MPPED2: variants seen among roughly 807,000 people sequenced by gnomAD.
MPPED2 encodes the protein metallophosphoesterase domain containing 2, also known as metallophosphoesterase MPPED2.
In MPPED2, 5 loss-of-function variants were observed where a neutral mutation model predicts 33.0. That is an observed-to-expected ratio of 0.15 (90% CI 0.08 to 0.32). The LOEUF is 0.32. Ranked by LOEUF, MPPED2 falls within the 10% of genes least tolerant of loss-of-function variation. The pLI is 1.00. For synonymous variants in MPPED2, 136 were observed against 141.9 expected, an observed-to-expected ratio of 0.96 and a Z score of 0.29; for missense variants, 275 against 372.1, an observed-to-expected ratio of 0.74 and a Z score of 2.15.
intron 4 of MPPED2, among the ~76,000 whole-genome samples, chr11:30,458,884 TAA>T (rs1203611214): frequency 6.7e-6 from 1 of 149,816 alleles, no homozygotes; most frequent in Admixed American, 6.6e-5. Context: ...CTAGACTACT[TAA>T]ATTTTTTTAG....
rs778782330 is a variant in MPPED2 at position 30,580,403 on chromosome 11, C to A, written c.-30G>T. 8.7e-6 allele frequency: 14 copies of A among 1,612,210 alleles called. No homozygotes were observed. The highest frequency in any genetic ancestry group is 1.0e-5 in the Non-Finnish European group (12 of 1,179,150). ...CCTCCCTATAGGCATGAGCAATTCA[C>A]AACTTTACAGAGCAAAAGATGGAAG... On this transcript the variant is annotated 5_prime_UTR_variant, in exon 2 of 7. Coordinates refer to ENST00000358117, the MANE Select transcript of MPPED2 (RefSeq NM_001584.3).
chr11:30,464,201 G>A lies in MPPED2; in HGVS notation c.536+31095C>T, dbSNP rs190787208. 4.7e-5 allele frequency among the ~76,000 whole-genome samples: 7 copies of A among 150,162 alleles called. No homozygotes were observed. The East Asian group carries it at 1.4e-3, about 31-fold the overall frequency. On this transcript the variant is annotated intron_variant, in intron 4 of 6. Transcript: ENST00000358117. ...TATCAGACTTGGATCTCATGGACTAGTAAAATTTCAAGGAATGTTTAGGTA... is the reference window on the plus strand; with the variant it reads ...TATCAGACTTGGATCTCATGGACTAATAAAATTTCAAGGAATGTTTAGGTA...
chr11:30,399,889 C>T (rs1029237525), intron 6 of MPPED2, among the ~76,000 whole-genome samples: 1 of 152,054 alleles, frequency 6.6e-6, no homozygotes, highest in Non-Finnish European at 1.5e-5. Flanking sequence ...TAAAAAAATA[C>T]CAGTCTGACA....
At chr11:30,549,121 T>C (rs926405377) in intron 2 of MPPED2, among the ~76,000 whole-genome samples, 2 of 152,198 alleles carry the variant, frequency 1.3e-5, no homozygotes, top group Non-Finnish European at 2.9e-5. Flanking sequence ...CAACATACTT[T>C]AACAGTTAGC....
At position 30,392,422 on chromosome 11, in the gene MPPED2, T is replaced by C. The variant is rs887626542; in HGVS notation, c.767-3466A>G. On this transcript the variant is annotated intron_variant, in intron 6 of 6. Transcript: ENST00000448418. The stretch of plus-strand genomic sequence containing the variant: ...AACTCTGTGTGACCTTCGCAGACAA[T>C]AATTACTTTAACATAGGGTTAGGCA... Among the ~76,000 whole-genome samples, 3 of 152,192 alleles carry C rather than the reference T, an allele frequency of 2.0e-5. No individual in the cohort carries two copies. The East Asian group carries it at 5.8e-4, about 29-fold the overall frequency.
intron 3 of MPPED2, among the ~76,000 whole-genome samples, chr11:30,499,437 A>G (rs894065016): frequency 1.3e-5 from 2 of 152,180 alleles, no homozygotes; most frequent in Non-Finnish European, 2.9e-5. Flanking sequence ...AGTGCTCAAA[A>G]TGTTTCAGAT....
chr11:30,544,692 T>C (rs1043783422), intron 2 of MPPED2, among the ~76,000 whole-genome samples: 4 of 152,164 alleles, frequency 2.6e-5, no homozygotes, highest in Non-Finnish European at 5.9e-5. Context: ...ATTTATGAAA[T>C]AATGCACAAA....
chr11:30,509,515 C>G, intron 3 of MPPED2, among the ~76,000 whole-genome samples: 1 of 152,132 alleles, frequency 6.6e-6, no homozygotes, highest in East Asian at 1.9e-4. Flanking sequence ...CCCTAGGCCT[C>G]TCAGGAAAAT....
intron 1 of MPPED2, chr11:30,583,998 C>CCTGT (rs1462942725): frequency 5.3e-5 from 8 of 152,306 alleles, no homozygotes; most frequent in African/African-American, 1.4e-4. Context: ...GTTACTCATC[C>CCTGT]CTGTATCTGG....
intron 3 of MPPED2, among the ~76,000 whole-genome samples, chr11:30,506,451 C>A (rs976845328): frequency 6.6e-6 from 1 of 152,148 alleles, no homozygotes; most frequent in African/African-American, 2.4e-5. Flanking sequence ...TAATAAATAT[C>A]TTTAATAAAC....
At chr11:30,580,176 G>A (rs1957100167) in intron 2 of MPPED2, 70 bp downstream of exon 2, 1 of 1,485,524 alleles carries the variant, frequency 6.7e-7, no homozygotes, top group Non-Finnish European at 9.2e-7. Flanking sequence ...AGTTAATAGT[G>A]AATGCTTTTC....
chr11:30,522,478 T>C (rs1465112949), intron 3 of MPPED2, among the ~76,000 whole-genome samples: 1 of 152,120 alleles, frequency 6.6e-6, no homozygotes, highest in East Asian at 1.9e-4. Context: ...TGGGGAAATC[T>C]GTGTGACGGG....
intron 4 of MPPED2, among the ~76,000 whole-genome samples, chr11:30,444,343 C>T (rs1200630707): frequency 6.6e-6 from 1 of 152,146 alleles, no homozygotes; most frequent in East Asian, 1.9e-4. Context: ...TCACAAAATG[C>T]TTCAAACACA....
At chr11:30,565,722 C>T (rs1185308943) in intron 2 of MPPED2, among the ~76,000 whole-genome samples, 2 of 152,176 alleles carry the variant, frequency 1.3e-5, no homozygotes, top group African/African-American at 4.8e-5. Context: ...TTCTTAGTAT[C>T]TCCCCTCTTT....
intron 4 of MPPED2, among the ~76,000 whole-genome samples, chr11:30,458,851 T>C (rs1439371547): frequency 2.6e-5 from 4 of 151,774 alleles, no homozygotes; most frequent in Non-Finnish European, 5.9e-5. Context: ...AATAAAATTA[T>C]GTTAACTACG....
chr11:30,398,260 G>C (rs1160711410), intron 6 of MPPED2, among the ~76,000 whole-genome samples: 3 of 152,176 alleles, frequency 2.0e-5, no homozygotes, highest in African/African-American at 7.2e-5. Flanking sequence ...CTGTGGATAA[G>C]AATAATGAAT....
At chr11:30,581,867 C>G (rs1957184535) in intron 1 of MPPED2, among the ~76,000 whole-genome samples, 2 of 152,114 alleles carry the variant, frequency 1.3e-5, no homozygotes, top group African/African-American at 4.8e-5. Context: ...GAGATGAATC[C>G]CCGTGCTCTG....
chr11:30,399,808 GA>G (rs1947885680), intron 6 of MPPED2, among the ~76,000 whole-genome samples: 1 of 152,052 alleles, frequency 6.6e-6, no homozygotes, highest in African/African-American at 2.4e-5. Flanking sequence ...CATATTGGGA[GA>G]AAATATATAT....
chr11:30,560,733 T>C (rs997342823), intron 2 of MPPED2, among the ~76,000 whole-genome samples: 1 of 152,202 alleles, frequency 6.6e-6, no homozygotes, highest in Non-Finnish European at 1.5e-5. Context: ...TAATTTCACT[T>C]ATGTGATTCA....
Sources: allele counts gnomAD v4.1 joint callset (sites outside exome capture counted in the v4.1 genomes callset), GRCh38; gene constraint gnomAD v4.1.1; transcripts MANE v1.5; gene names NCBI Gene and HGNC (gene_info 2026-07-23, HGNC 2026-07-21).